Variants in MAPK10 observed in about 807,000 individuals in gnomAD.
MAPK10 encodes JNK3 alpha protein kinase.
MAPK10 carries 25 observed loss-of-function variants against 59.3 expected under a neutral mutation model. The observed-to-expected ratio is 0.42, with a 90% confidence interval of 0.31 to 0.59. MAPK10 has a LOEUF of 0.59. MAPK10 is among the 20% of genes least tolerant of loss of function. The pLI is 0.15. For synonymous variants in MAPK10, 190 were observed against 200.5 expected, an observed-to-expected ratio of 0.95 and a Z score of 0.44; for missense variants, 351 against 568.9, an observed-to-expected ratio of 0.62 and a Z score of 3.90.
chr4:86,208,309 T>A (rs553723541), intron 2 of MAPK10, among the ~76,000 whole-genome samples: 35 of 150,544 alleles, frequency 2.3e-4, no homozygotes, highest in Middle Eastern at 3.4e-3. Flanking sequence ...TAGACCAATA[T>A]CCTTGATGAA....
chr4:86,209,471 C>A (rs2085168261), intron 2 of MAPK10, among the ~76,000 whole-genome samples: 1 of 151,938 alleles, frequency 6.6e-6, no homozygotes, highest in African/African-American at 2.4e-5. Context: ...CTAGGCTAAT[C>A]CTCAGTATGA....
chr4:86,082,076 A>G (rs970087675), intron 9 of MAPK10: 78 of 152,268 alleles, frequency 5.1e-4, no homozygotes, highest in African/African-American at 1.8e-3. Flanking sequence ...CGATGACAGT[A>G]TGGTATGTAA....
At position 86,359,776 on chromosome 4, in the gene MAPK10, G is replaced by A; in HGVS notation, c.-240C>T. The A allele has an allele frequency of 2.0e-6, 2 of 985,588 alleles. No individual in the cohort carries two copies. Among genetic ancestry groups the A allele is most frequent in the Non-Finnish European group, 2.4e-6 (2 of 829,806 alleles). 61.1% of individuals were successfully genotyped at this position (985,588 alleles called of 1,614,324 possible). A position where few individuals can be genotyped will look rare whatever the true frequency, so the allele number is the denominator to read the frequency against. ...ATGGAAGAGATTCTTTGGAGATATGGAGATTGTTTAAAATTAACGATGGAC... is the reference window on the plus strand; with the variant it reads ...ATGGAAGAGATTCTTTGGAGATATGAAGATTGTTTAAAATTAACGATGGAC... On this transcript the variant is annotated 5_prime_UTR_variant, in exon 1 of 14. Transcript: ENST00000641462.
At chr4:86,227,961 C>A (rs1170358421) in intron 2 of MAPK10, among the ~76,000 whole-genome samples, 1 of 152,116 alleles carries the variant, frequency 6.6e-6, no homozygotes, top group South Asian at 2.1e-4. Flanking sequence ...GTAGACACTG[C>A]ACACCATGCA....
chr4:86,243,741 C>A (rs2092902812), intron 2 of MAPK10, among the ~76,000 whole-genome samples: 4 of 150,128 alleles, frequency 2.7e-5, no homozygotes, highest in Admixed American at 1.3e-4. Flanking sequence ...CCCACCCCCT[C>A]CCCCAATCCT....
chr4:86,308,864 T>C (rs1259325640), intron 2 of MAPK10: 11 of 152,174 alleles, frequency 7.2e-5, no homozygotes, highest in African/African-American at 2.4e-4. Context: ...AGCTAACTGT[T>C]CTGATATTTA....
chr4:86,039,842 A>T (rs2041139875), intron 11 of MAPK10, among the ~76,000 whole-genome samples: 1 of 152,146 alleles, frequency 6.6e-6, no homozygotes, highest in South Asian at 2.1e-4. Flanking sequence ...CTCAATCAAT[A>T]GGTCCACACT....
At chr4:86,363,622 C>A (rs932462111), upstream of MAPK10, among the ~76,000 whole-genome samples, 4 of 151,896 alleles carry the variant, frequency 2.6e-5, no homozygotes, top group African/African-American at 9.7e-5. Context: ...TAACTGAGAC[C>A]TCACATCATT....
chr4:86,359,330 G>C (rs993881191), intron 1 of MAPK10, among the ~76,000 whole-genome samples: 80 of 135,124 alleles, frequency 5.9e-4, no homozygotes, highest in East Asian at 8.7e-4. Context: ...GTGTGTGTGT[G>C]TTTCTCTCTC....
chr4:86,031,442 A>G lies in MAPK10; in HGVS notation c.1111-11T>C, dbSNP rs767971897. On this transcript the variant is annotated splice_polypyrimidine_tract_variant and intron_variant, in intron 11 of 13. Coordinates refer to ENST00000641462, the MANE Select transcript of MAPK10 (RefSeq NM_138982.4). The stretch of plus-strand genomic sequence containing the variant: ...TATCTGAGGTGGAGGCTGCCGAATA[A>G]AAACAAAAAATAATCTTTGTGTGAT... 2 of 1,593,920 alleles carry G rather than the reference A, an allele frequency of 1.3e-6. No homozygotes were observed. Among genetic ancestry groups the G allele is most frequent in the South Asian group, 2.2e-5 (2 of 90,694 alleles).
chr4:86,102,834 C>T (rs112240182), intron 6 of MAPK10: 35 of 159,976 alleles, frequency 2.2e-4, no homozygotes, highest in African/African-American at 8.1e-4. Context: ...ACTATTTCTT[C>T]AGGTAAATTA....
chr4:86,044,094 C>T (rs540722687), intron 11 of MAPK10, among the ~76,000 whole-genome samples: 33 of 152,290 alleles, frequency 2.2e-4, no homozygotes, highest in Admixed American at 4.6e-4. Flanking sequence ...TTATCTCTAG[C>T]TGACGGGGCT....
intron 1 of MAPK10, among the ~76,000 whole-genome samples, chr4:86,433,130 G>C (rs560679237): frequency 6.6e-6 from 1 of 152,268 alleles, no homozygotes; most frequent in East Asian, 1.9e-4. Flanking sequence ...TTGTACAGAG[G>C]GAGGTTAATA....
intron 13 of MAPK10, among the ~76,000 whole-genome samples, chr4:86,021,738 C>T (rs546859954): frequency 6.6e-6 from 1 of 152,254 alleles, no homozygotes; most frequent in Non-Finnish European, 1.5e-5. Context: ...GCTGCAGGTC[C>T]TGAGCCTTGC....
chr4:86,319,854 T>G (rs2095856213), intron 2 of MAPK10, among the ~76,000 whole-genome samples: 1 of 152,220 alleles, frequency 6.6e-6, no homozygotes, highest in Non-Finnish European at 1.5e-5. Context: ...CAGGAAGTCT[T>G]GATCAATCAA....
At chr4:86,443,236 GAA>G (rs760385391) in intron 1 of MAPK10, among the ~76,000 whole-genome samples, 2 of 143,576 alleles carry the variant, frequency 1.4e-5, no homozygotes, top group African/African-American at 5.1e-5. Flanking sequence ...AGTGAAAATG[GAA>G]AAAAAAAAAA....
chr4:86,034,155 G>A (rs1482953979), intron 11 of MAPK10, among the ~76,000 whole-genome samples: 1 of 152,178 alleles, frequency 6.6e-6, no homozygotes, highest in Non-Finnish European at 1.5e-5. Flanking sequence ...TGAGATGTGA[G>A]AAATGAAGGA....
rs555076691 is a variant in MAPK10, at chr4:86,240,082, T to C, written c.-6-45675A>G. ...TCATTGGTTTCAAAGAACTTCTTGA[T>C]TTCTGCCTTAATTTTATTATTTATC... On this transcript the variant is annotated intron_variant, in intron 2 of 13. Coordinates refer to ENST00000641462, the MANE Select transcript of MAPK10 (RefSeq NM_138982.4). Among the ~76,000 whole-genome samples the C allele has an allele frequency of 2.0e-5, 3 of 152,338 alleles. No individual in the cohort carries two copies. The East Asian group carries it at 5.8e-4, about 29-fold the overall frequency.
intron 2 of MAPK10, among the ~76,000 whole-genome samples, chr4:86,210,656 A>G (rs1006782672): frequency 6.6e-6 from 1 of 151,870 alleles, no homozygotes; most frequent in African/African-American, 2.4e-5. Flanking sequence ...AAAACTTTAA[A>G]AGGAATAACG....
Sources: allele counts gnomAD v4.1 joint callset (sites outside exome capture counted in the v4.1 genomes callset), GRCh38; gene constraint gnomAD v4.1.1; transcripts MANE v1.5; gene names NCBI Gene and HGNC (gene_info 2026-07-23, HGNC 2026-07-21).